The following MICAL3 variants were observed in gnomAD, a reference collection of about 807,000 sequenced individuals.
MICAL3 encodes [F-actin]-monooxygenase MICAL3.
In MICAL3, 62 loss-of-function variants were observed where a neutral mutation model predicts 207.4. That is an observed-to-expected ratio of 0.30 (90% CI 0.24 to 0.37). The LOEUF (loss-of-function observed/expected upper bound fraction) is 0.37. Among genes scored for constraint, MICAL3 ranks in the 10% least tolerant of loss-of-function variants. The probability of loss-of-function intolerance (pLI) is 1.00; values close to 1 mark genes in which losing one functional copy is unlikely to be tolerated. For synonymous variants in MICAL3, 1,077 were observed against 1,069.3 expected (o/e 1.01, Z -0.14); for missense variants, 2,368 against 2,635.6 (o/e 0.90, Z 2.22).
At chr22:17,869,572 T>C (rs1209010856) in intron 17 of MICAL3, among the ~76,000 whole-genome samples, 2 of 152,170 alleles carry the variant, frequency 1.3e-5, no homozygotes, top group South Asian at 2.1e-4. Flanking sequence ...GCTCTGTGTT[T>C]GAGCAGACGG....
chr22:18,000,084 T>C (rs1019543860), intron 1 of MICAL3, among the ~76,000 whole-genome samples: 9 of 152,156 alleles, frequency 5.9e-5, no homozygotes, highest in African/African-American at 2.2e-4. Context: ...GCAGCGACTG[T>C]AGGAAGATGT....
At chr22:17,827,040 G>A (rs1026304038) in intron 22 of MICAL3, among the ~76,000 whole-genome samples, 9 of 152,210 alleles carry the variant, frequency 5.9e-5, no homozygotes, top group Non-Finnish European at 1.3e-4. Flanking sequence ...TGCCAGGAAA[G>A]ATGGCACAGC....
rs375759921 is a variant in MICAL3, at chr22:17,827,780, G to A, written c.3057C>T (p.Ala1019=). The part of the protein sequence containing the change: ...YDEEEEESSE[A]GNQRLQQVMH... ...TGACCTGCTGGAGCCTCTGGTTCCC[G>A]GCTAGTGTCCCAGGGTCAAGGGGTG... The change falls in exon 22 of 32, where the codon GCC becomes GCT. Residue 1019 remains alanine, a splice_region_variant and synonymous_variant. Coordinates refer to ENST00000441493, the MANE Select transcript of MICAL3 (RefSeq NM_015241.3). 49 of 1,547,176 alleles carry A rather than the reference G, an allele frequency of 3.2e-5. 2 individuals carry two copies. The African/African-American group carries it at 3.6e-4, about 11-fold the overall frequency.
chr22:17,930,280 A>G (rs898732632), intron 1 of MICAL3, among the ~76,000 whole-genome samples: 6 of 152,222 alleles, frequency 3.9e-5, no homozygotes, highest in Non-Finnish European at 7.3e-5. Flanking sequence ...CATCTACCCT[A>G]AAACTCAGCA....
At position 17,841,972 on chromosome 22, in the gene MICAL3, A is replaced by T; in HGVS notation, c.2651T>A (p.Leu884Gln). 1 of 1,606,826 alleles carries T rather than the reference A, an allele frequency of 6.2e-7. No individual in the cohort carries two copies. The highest frequency in any genetic ancestry group is 8.5e-7 in the Non-Finnish European group (1 of 1,179,384). ...GLEEPSIAKR[L>Q]RGTPERIELE... ...CTCGATCCGCTCTGGGGTGCCCCTC[A>T]GTCGCTTGGCGATGCTGGGCTCCTC... Residue 884 changes from leucine (L) to glutamine (Q), a missense_variant, in exon 20 of 32, where the codon CTG (leucine) becomes CAG (glutamine). Physicochemically the swap from Leu to Gln is moderately radical, Grantham distance 113. Around this residue, in one of 4 missense-constraint regions of MICAL3, gnomAD observed 1,770 missense variants for 1,863.2 expected, o/e 0.95. Coordinates refer to ENST00000441493, the MANE Select transcript of MICAL3 (RefSeq NM_015241.3). This position sits in a 1 kb window ranked among gnomAD's most constrained non-coding sequence, Gnocchi z 4.2.
intron 1 of MICAL3, among the ~76,000 whole-genome samples, chr22:17,988,430 G>A (rs1325785635): frequency 6.6e-6 from 1 of 151,592 alleles, no homozygotes; most frequent in African/African-American, 2.4e-5. Context: ...GCAGGCCAAA[G>A]AATGGTGTTT....
chr22:17,810,646 G>C, intron 28 of MICAL3, 57 bp downstream of exon 28: 1 of 1,378,828 alleles, frequency 7.3e-7, no homozygotes, highest in East Asian at 2.3e-5. Flanking sequence ...GGTGGATAGG[G>C]AGATGCTGCC....
chr22:17,909,103 CTA>C (rs1320177988), intron 1 of MICAL3, among the ~76,000 whole-genome samples: 2 of 152,204 alleles, frequency 1.3e-5, no homozygotes, highest in Admixed American at 6.5e-5. Context: ...CTTATATTTT[CTA>C]TGTCAACAGA....
chr22:17,977,055 C>A (rs1049611010), intron 1 of MICAL3, among the ~76,000 whole-genome samples: 1 of 151,888 alleles, frequency 6.6e-6, no homozygotes, highest in African/African-American at 2.4e-5. Context: ...CGCCCACCTC[C>A]GCCTCCCAAA....
chr22:17,955,096 C>T (rs1198904085), intron 1 of MICAL3, among the ~76,000 whole-genome samples: 5 of 152,182 alleles, frequency 3.3e-5, no homozygotes, highest in Non-Finnish European at 5.9e-5. Context: ...ATACTTAATA[C>T]CCATATAGCA....
chr22:17,908,973 A>G (rs983410409), intron 1 of MICAL3, among the ~76,000 whole-genome samples: 8 of 152,188 alleles, frequency 5.3e-5, no homozygotes, highest in African/African-American at 1.2e-4. Context: ...AGTAGAAATG[A>G]CATGCCACTT....
rs1025880836 is a variant in MICAL3 at position 17,817,266 on chromosome 22, C to T, written c.5350+45G>A. ...GCCCCAGTGACCCCAGCCCCTCCCGCACCCCTCCCGCTCTGCCTGCACGCG... is the reference window on the plus strand; with the variant it reads ...GCCCCAGTGACCCCAGCCCCTCCCGTACCCCTCCCGCTCTGCCTGCACGCG... On this transcript the variant is annotated intron_variant, in intron 26 of 31. Coordinates refer to ENST00000441493, the MANE Select transcript of MICAL3 (RefSeq NM_015241.3). The T allele has an allele frequency of 5.9e-6, 9 of 1,525,552 alleles. No homozygotes were observed. In the African/African-American group the frequency reaches 9.6e-5, roughly 16 times the overall value. The allele number at this position is 1,525,552 out of a possible 1,614,324, so 94.5% of individuals were successfully genotyped here. A position where few individuals can be genotyped will look rare whatever the true frequency, so the allele number is the denominator to read the frequency against.
chr22:17,862,415 A>G (rs1926621421), intron 19 of MICAL3: 1 of 457,676 alleles, frequency 2.2e-6, no homozygotes, highest in African/African-American at 2.1e-5. Context: ...CCACCACACC[A>G]CACCCGGCTA....
At chr22:18,014,426 C>A (rs1408316123) in intron 1 of MICAL3, among the ~76,000 whole-genome samples, 1 of 152,132 alleles carries the variant, frequency 6.6e-6, no homozygotes, top group African/African-American at 2.4e-5. Flanking sequence ...AGGAAGAGAA[C>A]AGCTTTTCCA....
intron 1 of MICAL3, chr22:18,020,224 A>G (rs980034880): frequency 6.5e-6 from 1 of 153,074 alleles, no homozygotes; most frequent in African/African-American, 2.4e-5. Context: ...AAACCTGAGG[A>G]CACTGGGAAT....
chr22:17,943,093 A>G (rs1253344293), intron 1 of MICAL3, among the ~76,000 whole-genome samples: 2 of 152,048 alleles, frequency 1.3e-5, no homozygotes, highest in Non-Finnish European at 2.9e-5. Context: ...ATTATTTTTT[A>G]TTTCCCTGAA....
chr22:17,960,821 A>G (rs537505618), intron 1 of MICAL3, among the ~76,000 whole-genome samples: 1 of 152,260 alleles, frequency 6.6e-6, no homozygotes, highest in South Asian at 2.1e-4. Flanking sequence ...TGAGGCGAGC[A>G]GGAGCAGAGC....
In MICAL3 at chr22:17,957,723, AAAAAG is replaced by A. The variant is rs71791757; in HGVS notation, c.-74-50842_-74-50838del. On this transcript the variant is annotated intron_variant, in intron 1 of 31. Transcript: ENST00000441493. ...GAAACTATGTCAAAAAAAAAAAAAA[AAAAAG>A]AGAGAGAAAGAAAACGAGAGAGAGA... Among the ~76,000 whole-genome samples, 568 of 145,434 alleles carry A rather than the reference AAAAAG, an allele frequency of 3.9e-3. 4 individuals carry two copies. Among genetic ancestry groups the A allele is most frequent in the African/African-American group, 0.011 (421 of 37,954 alleles).
Position 17,891,607 on chromosome 22 carries a change from C to T in MICAL3, c.1572G>A (p.Leu524=), listed in dbSNP as rs936803647. The T allele has an allele frequency of 5.7e-5, 92 of 1,613,904 alleles. No individual in the cohort carries two copies. Among genetic ancestry groups the T allele is most frequent in the Non-Finnish European group, 7.7e-5 (91 of 1,179,904 alleles). Residue 524 remains leucine, a synonymous_variant, in exon 12 of 32, where the codon CTG becomes CTA. Transcript: ENST00000441493. Reference sequence around the variant, plus strand: ...CTGTCTGCCTCTGGCACCAACCCAGCAGTTTGCTTGAACGAGCTACAGACT... The same window carrying T: ...CTGTCTGCCTCTGGCACCAACCCAGTAGTTTGCTTGAACGAGCTACAGACT... ...RNESVARSSK[L]LGWCQRQTDG... is the part of the protein sequence containing the mutation.
Sources: gnomAD v4.1 joint callset for allele counts (sites outside exome capture counted in the v4.1 genomes callset) on GRCh38, gnomAD v4.1.1 for gene constraint, gnomAD v4.1.1 regional missense constraint, Gnocchi (gnomAD v3.1) non-coding constraint, MANE v1.5 for transcripts, NCBI Gene and HGNC (gene_info 2026-07-23, HGNC 2026-07-21) for gene names.